The following DOCK3 variants were observed in gnomAD, a reference collection of about 807,000 sequenced individuals.
DOCK3 encodes dedicator of cytokinesis protein 3.
A neutral mutation model predicts 265.6 loss-of-function variants in DOCK3; 60 were observed. The ratio of observed to expected loss-of-function variants is 0.23; its 90% confidence interval spans 0.18 to 0.28. The LOEUF (loss-of-function observed/expected upper bound fraction) is 0.28. DOCK3 is among the 10% of genes least tolerant of loss of function. The pLI, the probability that DOCK3 is intolerant of heterozygous loss-of-function variation, is 1.00. For missense variants in DOCK3, 1,981 were observed against 2,594.3 expected (o/e 0.76, Z 5.14); for synonymous variants, 881 against 938.0 (o/e 0.94, Z 1.11).
chr3:51,249,099 G>A (rs1227456646), intron 22 of DOCK3, among the ~76,000 whole-genome samples: 1 of 151,388 alleles, frequency 6.6e-6, no homozygotes, highest in Non-Finnish European at 1.5e-5. Flanking sequence ...CGGGAGGGAG[G>A]TGGGGGGGGT....
intron 32 of DOCK3, among the ~76,000 whole-genome samples, chr3:51,325,995 G>A (rs964078749): frequency 4.0e-5 from 6 of 151,246 alleles, no homozygotes; most frequent in Non-Finnish European, 7.4e-5. Context: ...AAACCACCAT[G>A]GCACAGGTAT....
intron 12 of DOCK3, among the ~76,000 whole-genome samples, chr3:51,184,167 C>T (rs1456464500): frequency 5.3e-5 from 8 of 151,918 alleles, no homozygotes; most frequent in African/African-American, 7.3e-5. Flanking sequence ...AAAAATTAGC[C>T]GGCCAAGGTG....
intron 3 of DOCK3, among the ~76,000 whole-genome samples, chr3:50,848,262 T>C (rs2107344792): frequency 6.6e-6 from 1 of 152,360 alleles, no homozygotes; most frequent in South Asian, 2.1e-4. Context: ...AACTTGCTAC[T>C]CTTTGCCTTT....
chr3:50,872,948 G>A (rs1302097691), intron 3 of DOCK3, among the ~76,000 whole-genome samples: 1 of 152,166 alleles, frequency 6.6e-6, no homozygotes, highest in South Asian at 2.1e-4. Context: ...CTCCTCCCTG[G>A]TCCAGGACAG....
At chr3:51,100,034 T>TA (rs986741519) in intron 9 of DOCK3, among the ~76,000 whole-genome samples, 9 of 80,896 alleles carry the variant, frequency 1.1e-4, no homozygotes, top group African/African-American at 2.8e-4. Flanking sequence ...TAAGGATAAA[T>TA]AAAAAAAACT....
intron 32 of DOCK3, among the ~76,000 whole-genome samples, chr3:51,326,717 G>A (rs1576813549): frequency 6.6e-6 from 1 of 151,644 alleles, no homozygotes; most frequent in East Asian, 1.9e-4. Flanking sequence ...CTCCTCCCAG[G>A]TTCAAGCAAT....
intron 9 of DOCK3, among the ~76,000 whole-genome samples, chr3:51,116,397 G>C (rs1164849099): frequency 7.3e-6 from 1 of 137,586 alleles, no homozygotes; most frequent in Non-Finnish European, 1.5e-5. Context: ...CTTGCAGTGA[G>C]CTGAGATCGC....
intron 14 of DOCK3, among the ~76,000 whole-genome samples, chr3:51,220,679 A>ATC: frequency 1.3e-5 from 1 of 77,296 alleles, no homozygotes; most frequent in African/African-American, 4.7e-5. Flanking sequence ...AAATATATAT[A>ATC]TATATATATG....
chr3:51,152,647 A>G (rs2085658832), intron 10 of DOCK3, among the ~76,000 whole-genome samples: 1 of 152,060 alleles, frequency 6.6e-6, no homozygotes, highest in Non-Finnish European at 1.5e-5. Flanking sequence ...TAACTTTGGT[A>G]TTTTATGCTG....
At chr3:50,945,281 C>G (rs1575588226) in intron 5 of DOCK3, among the ~76,000 whole-genome samples, 2 of 151,874 alleles carry the variant, frequency 1.3e-5, no homozygotes, top group South Asian at 4.2e-4. Context: ...TAAAAATTCA[C>G]CTTTATTTAA....
At chr3:50,757,702 A>G (rs1485717395) in intron 1 of DOCK3, among the ~76,000 whole-genome samples, 1 of 152,170 alleles carries the variant, frequency 6.6e-6, no homozygotes, top group East Asian at 1.9e-4. Flanking sequence ...ATTCAAGGCC[A>G]TAAAGATTTA....
chr3:50,894,560 C>T (rs1293716946), intron 4 of DOCK3, among the ~76,000 whole-genome samples: 1 of 151,972 alleles, frequency 6.6e-6, no homozygotes, highest in African/African-American at 2.4e-5. Context: ...AATATATACA[C>T]ATATACAGAA....
At position 51,292,844 on chromosome 3, in the gene DOCK3, A is replaced by AT. The variant is rs768457011; in HGVS notation, c.2922+12647dup. Among the ~76,000 whole-genome samples, 196 of 148,916 alleles carry AT rather than the reference A, an allele frequency of 1.3e-3. 1 individual carries two copies. The highest frequency in any genetic ancestry group is 4.0e-3 in the East Asian group (18 of 4,484). On this transcript the variant is annotated intron_variant, in intron 27 of 52. Transcript: ENST00000266037. Reference sequence around the variant, plus strand: ...AGGTGCATGCCACCACACCCAGCTAATTTTTTTGTATTTTTTGGTAGAGAT... The same window carrying AT: ...AGGTGCATGCCACCACACCCAGCTAATTTTTTTTGTATTTTTTGGTAGAGAT...
chr3:50,693,442 T>C (rs1461574305), intron 1 of DOCK3, among the ~76,000 whole-genome samples: 1 of 152,078 alleles, frequency 6.6e-6, no homozygotes. Flanking sequence ...ATTTTTTGGT[T>C]AAATTTATAC....
chr3:51,122,545 G>T (rs550357087), intron 9 of DOCK3, among the ~76,000 whole-genome samples: 1 of 152,186 alleles, frequency 6.6e-6, no homozygotes, highest in Non-Finnish European at 1.5e-5. Context: ...TAAATAGTTC[G>T]TCTTGGATTT....
At chr3:50,978,049 A>AT (rs2077533695) in intron 5 of DOCK3, among the ~76,000 whole-genome samples, 1 of 151,576 alleles carries the variant, frequency 6.6e-6, no homozygotes, top group African/African-American at 2.4e-5. Context: ...CTTCTTCTAA[A>AT]TTTTTTTCAA....
chr3:50,883,609 TA>T (rs1440716900), intron 3 of DOCK3, among the ~76,000 whole-genome samples: 2 of 152,148 alleles, frequency 1.3e-5, no homozygotes, highest in East Asian at 3.8e-4. Context: ...GTATTTTTGG[TA>T]GATATAATAT....
chr3:51,375,243 T>G (rs951322568), intron 50 of DOCK3, among the ~76,000 whole-genome samples: 1 of 152,240 alleles, frequency 6.6e-6, no homozygotes, highest in Admixed American at 6.5e-5. Flanking sequence ...TGTGCCTGAT[T>G]GGCTCTGCCA....
At chr3:51,006,634 A>G (rs1156742686) in intron 5 of DOCK3, among the ~76,000 whole-genome samples, 1 of 151,220 alleles carries the variant, frequency 6.6e-6, no homozygotes, top group Non-Finnish European at 1.5e-5. Flanking sequence ...ATTTTTTTTT[A>G]TTATTATACT....
Sources: allele counts gnomAD v4.1 joint callset (sites outside exome capture counted in the v4.1 genomes callset), GRCh38; gene constraint gnomAD v4.1.1; transcripts MANE v1.5; gene names NCBI Gene and HGNC (gene_info 2026-07-23, HGNC 2026-07-21).